Variants in FLVCR2 observed in about 807,000 individuals in gnomAD.
FLVCR2 encodes the protein FLVCR choline and putative heme transporter 2.
In FLVCR2, 38 loss-of-function variants were observed where a neutral mutation model predicts 48.9. The ratio of observed to expected loss-of-function variants is 0.78; its 90% CI spans 0.60 to 1.02. The LOEUF is 1.02. FLVCR2 is among the 50% of genes least tolerant of loss of function. The pLI is 0.00. For synonymous variants in FLVCR2, 255 were observed against 257.0 expected, an observed-to-expected ratio of 0.99 and a Z score of 0.07; for missense variants, 664 against 663.3, an observed-to-expected ratio of 1.00 and a Z score of -0.01.
chr14:75,639,191 A>G (rs1890241409), intron 5 of FLVCR2, among the ~76,000 whole-genome samples, 161 bp from the exon 6 acceptor site: 2 of 152,204 alleles, frequency 1.3e-5, no homozygotes, highest in South Asian at 4.1e-4. Flanking sequence ...AGCCTGGGCA[A>G]CAGAGCAAGA....
chr14:75,641,865 G>C lies in FLVCR2; in HGVS notation c.1476G>C (p.Arg492=), dbSNP rs748809514. 4 of 1,614,044 alleles carry C rather than the reference G, an allele frequency of 2.5e-6. No homozygotes were observed. The South Asian group carries it at 3.3e-5, about 13-fold the overall frequency. The change falls in exon 9 of 10, where the codon CGG becomes CGC. Residue 492 remains arginine, a synonymous_variant. Coordinates refer to ENST00000238667, the MANE Select transcript of FLVCR2 (RefSeq NM_017791.3). ...ALTAFIKADL[R]RQKANKETLE... is the part of the protein sequence containing the mutation. The stretch of plus-strand genomic sequence containing the variant: ...TAGCATTCATTAAGGCAGATCTCCG[G>C]AGACAGAAAGCAAACAAAGAAACTC...
chr14:75,641,281 G>T lies in FLVCR2; in HGVS notation c.1441G>T (p.Ala481Ser). ...IFLCVFLTLGAALTAFIKADL... is the reference protein window; with the variant it reads ...IFLCVFLTLGSALTAFIKADL... ...CCTGTGTGTGTTCCTTACTCTTGGA[G>T]CAGCCCTCACTGGTGAGTTGGAGCC... The change falls in exon 8 of 10, where the codon GCA becomes TCA. Residue 481 changes from alanine (A) to serine (S), a missense_variant. Physicochemically the swap from Ala to Ser is moderately conservative, Grantham distance 99 (BLOSUM62 1). Transcript: ENST00000238667. 1 of 1,613,486 alleles carries T rather than the reference G, an allele frequency of 6.2e-7. No homozygotes were observed. The highest frequency in any genetic ancestry group is 8.5e-7 in the Non-Finnish European group (1 of 1,179,568).
intron 1 of FLVCR2, among the ~76,000 whole-genome samples, chr14:75,609,505 C>A (rs1409893349): frequency 6.6e-6 from 1 of 152,136 alleles, no homozygotes; most frequent in Non-Finnish European, 1.5e-5. Flanking sequence ...TTCTTTCCAG[C>A]TGTCTGTCTG....
At chr14:75,636,501 G>T (rs759285) in intron 5 of FLVCR2, among the ~76,000 whole-genome samples, 137,276 of 152,182 alleles carry the variant, frequency 0.9, 62,014 homozygotes, top group East Asian at 0.96. Context: ...AGGGAGGGAT[G>T]GGAATGCTGG....
chr14:75,586,900 G>A (rs1283071108), intron 1 of FLVCR2, among the ~76,000 whole-genome samples: 2 of 151,970 alleles, frequency 1.3e-5, no homozygotes, highest in Non-Finnish European at 2.9e-5. Context: ...ATTGTGCCAG[G>A]AGCCAAGATT....
Position 75,579,321 on chromosome 14 carries a change from G to A in FLVCR2, c.349G>A (p.Gly117Ser), listed in dbSNP as rs1296810796. 3.1e-6 allele frequency: 5 copies of A among 1,614,146 alleles called. No individual in the cohort carries two copies. The highest frequency in any genetic ancestry group is 4.5e-5 in the East Asian group (2 of 44,884). ...SINNIFMHFY[G>S]VSAFAIDWLS... Reference sequence around the variant, plus strand: ...CAATAACATCTTCATGCACTTCTACGGTGTCAGTGCCTTTGCCATTGACTG... The same window carrying A: ...CAATAACATCTTCATGCACTTCTACAGTGTCAGTGCCTTTGCCATTGACTG... Residue 117 changes from glycine (G) to serine (S), a missense_variant, in exon 1 of 10, where the codon GGT becomes AGT. Coordinates refer to ENST00000238667, the MANE Select transcript of FLVCR2 (RefSeq NM_017791.3).
intron 1 of FLVCR2, among the ~76,000 whole-genome samples, chr14:75,613,194 A>G (rs1889506131): frequency 6.6e-6 from 1 of 152,138 alleles, no homozygotes; most frequent in Non-Finnish European, 1.5e-5. Flanking sequence ...GCTGGGTGAT[A>G]TATAAAGAAA....
chr14:75,645,964 C>T (rs1052560502), intron 9 of FLVCR2, among the ~76,000 whole-genome samples: 9 of 151,176 alleles, frequency 6.0e-5, no homozygotes, highest in Non-Finnish European at 1.2e-4. Context: ...GGGGCTGCCT[C>T]CAAGTGGGGG....
intron 1 of FLVCR2, among the ~76,000 whole-genome samples, chr14:75,599,878 G>A (rs543757610): frequency 3.1e-4 from 47 of 152,296 alleles, no homozygotes; most frequent in African/African-American, 1.1e-3. Flanking sequence ...TTTTCAATAA[G>A]GGGTGTTGGG....
At chr14:75,633,580 C>A (rs1229664852) in intron 3 of FLVCR2, 49 bp from the exon 4 acceptor site, 1 of 1,461,120 alleles carries the variant, frequency 6.8e-7, no homozygotes, top group Non-Finnish European at 9.6e-7. Context: ...TAGCAATGGC[C>A]CCAGAAGAAA....
At chr14:75,613,064 C>G (rs143413363) in intron 1 of FLVCR2, among the ~76,000 whole-genome samples, 50 of 152,174 alleles carry the variant, frequency 3.3e-4, no homozygotes, top group Non-Finnish European at 5.1e-4. Flanking sequence ...GCACACAGCA[C>G]TGTGTGGGCA....
chr14:75,625,310 A>T (rs1463317235), intron 3 of FLVCR2, among the ~76,000 whole-genome samples: 1 of 151,936 alleles, frequency 6.6e-6, no homozygotes, highest in African/African-American at 2.4e-5. Flanking sequence ...TTTTATCTGA[A>T]TGCACAACAA....
chr14:75,604,596 T>C (rs1889245626), intron 1 of FLVCR2, among the ~76,000 whole-genome samples: 1 of 152,084 alleles, frequency 6.6e-6, no homozygotes, highest in African/African-American at 2.4e-5. Context: ...AGAACAGATG[T>C]TTTCAGTACC....
At chr14:75,630,057 G>A (rs907561394) in intron 3 of FLVCR2, among the ~76,000 whole-genome samples, 9 of 152,298 alleles carry the variant, frequency 5.9e-5, no homozygotes, top group South Asian at 2.1e-4. Flanking sequence ...AAAGGGAAAC[G>A]CAGAATAACC....
chr14:75,632,390 T>C (rs1890068268), intron 3 of FLVCR2, among the ~76,000 whole-genome samples: 1 of 152,216 alleles, frequency 6.6e-6, no homozygotes, highest in African/African-American at 2.4e-5. Context: ...CTATTCATTC[T>C]TGTGGGAAGC....
At chr14:75,645,034 GTGTGT>G (rs1890387554) in intron 9 of FLVCR2, among the ~76,000 whole-genome samples, 1 of 144,838 alleles carries the variant, frequency 6.9e-6, no homozygotes, top group Non-Finnish European at 1.5e-5. Flanking sequence ...GGCGGGCGTG[GTGTGT>G]GTGTGTGTGT....
Position 75,579,546 on chromosome 14 carries a change from G to C in FLVCR2, c.574G>C (p.Val192Leu). 1 of 1,613,858 alleles carries C rather than the reference G, an allele frequency of 6.2e-7. No homozygotes were observed. The highest frequency in any genetic ancestry group is 8.5e-7 in the Non-Finnish European group (1 of 1,179,934). ...CCAGCTCATCTGCTCTGTGGCCCAGGTTTTCATCCTGGGCATGCCCTCCCG... is the reference window on the plus strand; with the variant it reads ...CCAGCTCATCTGCTCTGTGGCCCAGCTTTTCATCCTGGGCATGCCCTCCCG... ...VGQLICSVAQ[V>L]FILGMPSRIA... The change falls in exon 1 of 10, where the codon GTT becomes CTT. Residue 192 changes from valine to leucine, a missense_variant. Coordinates refer to ENST00000238667, the MANE Select transcript of FLVCR2 (RefSeq NM_017791.3).
chr14:75,596,534 G>T (rs553763376), intron 1 of FLVCR2, among the ~76,000 whole-genome samples: 1 of 152,162 alleles, frequency 6.6e-6, no homozygotes, highest in East Asian at 1.9e-4. Flanking sequence ...TGACTCGGTG[G>T]TGTCAGATCT....
At chr14:75,620,685 A>C (rs1889741601) in intron 1 of FLVCR2, among the ~76,000 whole-genome samples, 1 of 152,222 alleles carries the variant, frequency 6.6e-6, no homozygotes, top group Non-Finnish European at 1.5e-5. Flanking sequence ...TTAAAGATGC[A>C]TTTGGTTAAT....
Sources: gnomAD v4.1 joint callset for allele counts (sites outside exome capture counted in the v4.1 genomes callset) on GRCh38, gnomAD v4.1.1 for gene constraint, MANE v1.5 for transcripts, NCBI Gene and HGNC (gene_info 2026-07-23, HGNC 2026-07-21) for gene names.